The following ZBTB20 variants were observed in gnomAD, a reference collection of about 807,000 sequenced individuals.
ZBTB20 encodes the protein zinc finger and BTB domain containing 20.
ZBTB20 carries 9 observed loss-of-function variants against 56.9 expected under a neutral mutation model. The ratio of observed to expected loss-of-function variants is 0.16; its 90% CI spans 0.10 to 0.28. The LOEUF (loss-of-function observed/expected upper bound fraction) is 0.28. ZBTB20 is among the 10% of genes least tolerant of loss of function. The pLI is 1.00. For missense variants in ZBTB20, 655 were observed against 1,003.0 expected (o/e 0.65, Z 4.69); for synonymous variants, 417 against 420.7 (o/e 0.99, Z 0.11).
At chr3:114,834,518 A>T (rs1246694344) in intron 4 of ZBTB20, among the ~76,000 whole-genome samples, 7 of 152,212 alleles carry the variant, frequency 4.6e-5, no homozygotes, top group Non-Finnish European at 8.8e-5. Flanking sequence ...AAAAGTAAAA[A>T]TTCAATAAAT....
chr3:115,110,852 G>C (rs1180742181), intron 1 of ZBTB20, among the ~76,000 whole-genome samples: 3 of 152,006 alleles, frequency 2.0e-5, no homozygotes, highest in Admixed American at 2.0e-4. Context: ...ATCCGGGCTA[G>C]GTGGCATGTG....
chr3:114,798,711 T>G (rs998373404), intron 5 of ZBTB20, among the ~76,000 whole-genome samples: 1 of 152,028 alleles, frequency 6.6e-6, no homozygotes, highest in African/African-American at 2.4e-5. Flanking sequence ...TGTTTGGTGA[T>G]GCTCTGCCCT....
At chr3:114,925,519 T>C (rs1346191124) in intron 3 of ZBTB20, among the ~76,000 whole-genome samples, 1 of 151,870 alleles carries the variant, frequency 6.6e-6, no homozygotes, top group Non-Finnish European at 1.5e-5. Context: ...ATTTGTTTGG[T>C]TGTTTGTTTT....
intron 5 of ZBTB20, among the ~76,000 whole-genome samples, chr3:114,768,641 A>C (rs1042721060): frequency 5.9e-5 from 9 of 152,196 alleles, no homozygotes; most frequent in Non-Finnish European, 1.0e-4. Flanking sequence ...AATTGTTTAT[A>C]TTTGTTTAAA....
At chr3:114,700,609 T>C (rs1281235418) in intron 5 of ZBTB20, among the ~76,000 whole-genome samples, 1 of 152,158 alleles carries the variant, frequency 6.6e-6, no homozygotes, top group African/African-American at 2.4e-5. Context: ...TTATTGATAT[T>C]TGAGACTGAT....
At chr3:114,925,652 G>A (rs764712010) in intron 3 of ZBTB20, among the ~76,000 whole-genome samples, 46 of 151,776 alleles carry the variant, frequency 3.0e-4, no homozygotes, top group Non-Finnish European at 5.3e-4. Flanking sequence ...TCAGCCTCCC[G>A]AGCAGCTGGG....
chr3:114,688,339 T>C (rs928248398), intron 6 of ZBTB20: 2 of 148,202 alleles, frequency 1.3e-5, no homozygotes, highest in African/African-American at 5.0e-5. Flanking sequence ...TCACACAATA[T>C]ACCCAGGTAA....
At chr3:114,579,780 C>T (rs2054459012) in intron 6 of ZBTB20, among the ~76,000 whole-genome samples, 1 of 151,322 alleles carries the variant, frequency 6.6e-6, no homozygotes, top group Non-Finnish European at 1.5e-5. Context: ...ATATAAATAA[C>T]TTTGTACAAA....
chr3:114,585,740 A>G (rs2055117750), intron 6 of ZBTB20, among the ~76,000 whole-genome samples: 1 of 152,174 alleles, frequency 6.6e-6, no homozygotes, highest in African/African-American at 2.4e-5. Flanking sequence ...TCTTCTGCAT[A>G]ATAAAATGAA....
intron 5 of ZBTB20, among the ~76,000 whole-genome samples, chr3:114,762,398 A>G (rs1188400989): frequency 6.6e-6 from 1 of 152,160 alleles, no homozygotes; most frequent in Non-Finnish European, 1.5e-5. Flanking sequence ...CTCTCTTGAC[A>G]TTGACTAAGT....
rs2078983814 is a variant in ZBTB20, at chr3:114,324,040, G to C, written c.*14965C>G. The C allele has an allele frequency of 6.6e-6, 1 of 152,186 alleles. No homozygotes were observed. The highest frequency in any genetic ancestry group is 2.4e-5 in the African/African-American group (1 of 41,442). 9.4% of individuals were successfully genotyped at this position (152,186 alleles called of 1,614,324 possible). A position where few individuals can be genotyped will look rare whatever the true frequency, so the allele number is the denominator to read the frequency against. The stretch of plus-strand genomic sequence containing the variant: ...CAGTGCTACGAAGGTGGGAAATTCA[G>C]TCTATCTCACACTTATGTGAGTCAT... On this transcript the variant is annotated 3_prime_UTR_variant, in exon 12 of 12. Transcript: ENST00000675478.
chr3:115,127,825 G>A (rs1015418558), intron 1 of ZBTB20, among the ~76,000 whole-genome samples: 39 of 152,124 alleles, frequency 2.6e-4, no homozygotes, highest in Non-Finnish European at 4.7e-4. Context: ...AGAGAAGCAG[G>A]TCTTGATAGA....
At chr3:114,716,002 A>G (rs1578491985) in intron 5 of ZBTB20, among the ~76,000 whole-genome samples, 1 of 152,306 alleles carries the variant, frequency 6.6e-6, no homozygotes, top group East Asian at 1.9e-4. Context: ...GCCTCTTATA[A>G]TCATGAGCAT....
chr3:114,673,075 C>T (rs2061438679), intron 6 of ZBTB20, among the ~76,000 whole-genome samples: 1 of 152,126 alleles, frequency 6.6e-6, no homozygotes, highest in African/African-American at 2.4e-5. Flanking sequence ...ATAGGTGAAA[C>T]TTATCTGTAA....
chr3:114,717,921 A>G (rs917973773), intron 5 of ZBTB20, among the ~76,000 whole-genome samples: 1 of 152,050 alleles, frequency 6.6e-6, no homozygotes, highest in African/African-American at 2.4e-5. Context: ...TTTCTCTACT[A>G]TCTTACAGGG....
At chr3:114,857,927 C>T (rs1020560040) in intron 4 of ZBTB20, among the ~76,000 whole-genome samples, 7 of 152,134 alleles carry the variant, frequency 4.6e-5, no homozygotes, top group Admixed American at 2.0e-4. Flanking sequence ...AAAATAAAAT[C>T]GGATTCCTCT....
At chr3:114,481,791 C>T (rs2041581002) in intron 7 of ZBTB20, among the ~76,000 whole-genome samples, 1 of 152,128 alleles carries the variant, frequency 6.6e-6, no homozygotes, top group Admixed American at 6.5e-5. Context: ...CTATTGATGC[C>T]CAGAGGCCTG....
chr3:114,370,463 C>A (rs1291380539), intron 10 of ZBTB20, among the ~76,000 whole-genome samples: 1 of 152,144 alleles, frequency 6.6e-6, no homozygotes, highest in East Asian at 1.9e-4. Context: ...TCGTTGGTGT[C>A]TGTGGCACCT....
chr3:114,828,873 C>G (rs955881033), intron 4 of ZBTB20, among the ~76,000 whole-genome samples: 1 of 151,842 alleles, frequency 6.6e-6, no homozygotes, highest in African/African-American at 2.4e-5. Flanking sequence ...CAGCTTGAGG[C>G]TTTTGACAAA....
Sources: gnomAD v4.1 joint callset for allele counts (sites outside exome capture counted in the v4.1 genomes callset) on GRCh38, gnomAD v4.1.1 for gene constraint, MANE v1.5 for transcripts, NCBI Gene and HGNC (gene_info 2026-07-23, HGNC 2026-07-21) for gene names.